GAS6: variants seen among roughly 807,000 people sequenced by gnomAD.
The protein encoded by GAS6 is growth arrest specific 6.
A neutral mutation model predicts 75.8 loss-of-function variants in GAS6; 41 were observed. That is an observed-to-expected ratio of 0.54 (90% CI 0.42 to 0.70). The LOEUF (loss-of-function observed/expected upper bound fraction) is 0.70, where lower values mean the gene tolerates loss of function less well. Among genes scored for constraint, GAS6 ranks in the 30% least tolerant of loss-of-function variants. GAS6 has a pLI of 0.00. For missense variants in GAS6, 854 were observed against 940.2 expected, an observed-to-expected ratio of 0.91 and a Z score of 1.20; for synonymous variants, 432 against 412.6, an observed-to-expected ratio of 1.05 and a Z score of -0.57.
rs1348264390 is a variant in GAS6 at position 113,837,138 on chromosome 13, G to A, written c.589+931C>T. Among the ~76,000 whole-genome samples, 1 of 151,906 alleles carries A rather than the reference G, an allele frequency of 6.6e-6. No homozygotes were observed. The highest frequency in any genetic ancestry group is 1.5e-5 in the Non-Finnish European group (1 of 67,968). On this transcript the variant is annotated intron_variant, in intron 6 of 14. Coordinates refer to ENST00000327773, the MANE Select transcript of GAS6 (RefSeq NM_000820.4). The surrounding 1 kb of genome is among the most constrained non-coding windows in gnomAD (Gnocchi z 5.1). ...CAGGGATAGAGCAGTGATGGGAGGG[G>A]CTCTGTCCTCGGCGGGGAAATGGGT... is the stretch of plus-strand genomic sequence containing the variant.
In GAS6 at chr13:113,847,403, T is replaced by A. The variant is rs375634591; in HGVS notation, c.280+623A>T. Reference sequence around the variant, plus strand: ...AGACCCTGGAATACATTTCTCTCCTTCTAAGTGAAATGCTCTCAAAGAGCT... The same window carrying A: ...AGACCCTGGAATACATTTCTCTCCTACTAAGTGAAATGCTCTCAAAGAGCT... On this transcript the variant is annotated intron_variant, in intron 3 of 14. Coordinates refer to ENST00000327773, the MANE Select transcript of GAS6 (RefSeq NM_000820.4). Among the ~76,000 whole-genome samples the A allele has an allele frequency of 3.3e-5, 5 of 152,234 alleles. No homozygotes were observed. The East Asian group carries it at 7.7e-4, about 23-fold the overall frequency.
intron 11 of GAS6, among the ~76,000 whole-genome samples, chr13:113,828,191 G>A (rs988128506): frequency 2.6e-5 from 4 of 152,154 alleles, no homozygotes; most frequent in Non-Finnish European, 5.9e-5. Flanking sequence ...GTGAACCCGG[G>A]AGGCGGAGCT....
intron 2 of GAS6, among the ~76,000 whole-genome samples, chr13:113,850,873 GATGAATGAATGA>G (rs532112068): frequency 1.3e-5 from 2 of 152,300 alleles, no homozygotes; most frequent in African/African-American, 4.8e-5. Flanking sequence ...TAAATGCACA[GATGAATGAATGA>G]ATGGATGGAT....
chr13:113,863,655 C>A lies in GAS6; in HGVS notation c.175G>T (p.Gly59Cys). 6.6e-7 allele frequency: 1 copy of A among 1,523,434 alleles called. No individual in the cohort carries two copies. 94.4% of individuals were successfully genotyped at this position (1,523,434 alleles called of 1,614,324 possible). The stretch of plus-strand genomic sequence containing the variant: ...TCCACGCACTCCCTCTCCAGGTGGC[C>A]CTGCTTGGCCTCCTCGAAGACCTGA... ...AFQVFEEAKQ[G>C]HLERECVEEL... Residue 59 changes from glycine (G) to cysteine (C), a missense_variant, in exon 2 of 15, where the codon GGC (glycine) becomes TGC (cysteine). Physicochemically the swap from Gly to Cys is radical, Grantham distance 159. Transcript: ENST00000327773. This position sits in a 1 kb window ranked among gnomAD's most constrained non-coding sequence, Gnocchi z 9.4.
At chr13:113,858,256 G>A (rs1422303408) in intron 2 of GAS6, among the ~76,000 whole-genome samples, 1 of 152,054 alleles carries the variant, frequency 6.6e-6, no homozygotes, top group Non-Finnish European at 1.5e-5. Flanking sequence ...ATGTGTGCCT[G>A]TGTGTGTATA....
chr13:113,860,458 G>A (rs1355681935), intron 2 of GAS6, among the ~76,000 whole-genome samples: 5 of 152,090 alleles, frequency 3.3e-5, no homozygotes, highest in Admixed American at 2.0e-4. Context: ...CTCTAGTCTC[G>A]GATCATTTCT....
chr13:113,849,334 A>G (rs932838925), intron 2 of GAS6, among the ~76,000 whole-genome samples: 3 of 152,038 alleles, frequency 2.0e-5, no homozygotes, highest in Non-Finnish European at 4.4e-5. Flanking sequence ...CTCACTTCCA[A>G]TTTTAGTCAT....
intron 2 of GAS6, among the ~76,000 whole-genome samples, chr13:113,862,850 C>A (rs1322513751): frequency 6.6e-6 from 1 of 152,290 alleles, no homozygotes; most frequent in East Asian, 1.9e-4. Flanking sequence ...GGGACGTCAA[C>A]GGGAATCCAC....
At chr13:113,828,201 T>TTGCA (rs1486491047) in intron 11 of GAS6, among the ~76,000 whole-genome samples, 5 of 152,024 alleles carry the variant, frequency 3.3e-5, no homozygotes, top group African/African-American at 7.3e-5. Flanking sequence ...GAGGCGGAGC[T>TTGCA]TGCAGTGAGC....
At chr13:113,850,671 C>T (rs1218017086) in intron 2 of GAS6, among the ~76,000 whole-genome samples, 7 of 152,168 alleles carry the variant, frequency 4.6e-5, no homozygotes, top group East Asian at 3.8e-4. Flanking sequence ...CCTCATGAGC[C>T]GTCACCAAAC....
In GAS6 at chr13:113,863,644, C is replaced by T. The variant is rs1594213248; in HGVS notation, c.186G>A (p.Glu62=). 1 of 1,525,800 alleles carries T rather than the reference C, an allele frequency of 6.6e-7. No homozygotes were observed. The highest frequency in any genetic ancestry group is 8.8e-7 in the Non-Finnish European group (1 of 1,136,246). 94.5% of individuals were successfully genotyped at this position (1,525,800 alleles called of 1,614,324 possible). Reference sequence around the variant, plus strand: ...TGCACAGCTCCTCCACGCACTCCCTCTCCAGGTGGCCCTGCTTGGCCTCCT... The same window carrying T: ...TGCACAGCTCCTCCACGCACTCCCTTTCCAGGTGGCCCTGCTTGGCCTCCT... ...VFEEAKQGHL[E]RECVEELCSR... is the part of the protein sequence containing the mutation. Residue 62 remains glutamate, a synonymous_variant, in exon 2 of 15, where the codon GAG becomes GAA. Coordinates refer to ENST00000327773, the MANE Select transcript of GAS6 (RefSeq NM_000820.4). This position sits in a 1 kb window ranked among gnomAD's most constrained non-coding sequence, Gnocchi z 9.4.
chr13:113,825,242 A>G (rs2051520981), intron 12 of GAS6, among the ~76,000 whole-genome samples: 1 of 150,492 alleles, frequency 6.6e-6, no homozygotes. Flanking sequence ...CTCAAAAAAA[A>G]AAAAAAAAAA....
At chr13:113,842,580 G>A in intron 4 of GAS6, 1 of 396,954 alleles carries the variant, frequency 2.5e-6, no homozygotes. Flanking sequence ...GCCTGAACTA[G>A]AGAAATGAGG....
chr13:113,826,388 C>T (rs978742785), intron 12 of GAS6, among the ~76,000 whole-genome samples: 5 of 128,862 alleles, frequency 3.9e-5, no homozygotes, highest in African/African-American at 6.5e-5. Context: ...CCTCCCCGGC[C>T]TCGCAGGCAC....
intron 2 of GAS6, among the ~76,000 whole-genome samples, chr13:113,862,814 G>A (rs2051982904): frequency 1.3e-5 from 2 of 152,216 alleles, no homozygotes; most frequent in Admixed American, 1.3e-4. Context: ...ACTTCGCTAT[G>A]AAATCACCCT....
At chr13:113,859,167 T>A (rs1407862684) in intron 2 of GAS6, among the ~76,000 whole-genome samples, 1 of 152,032 alleles carries the variant, frequency 6.6e-6, no homozygotes, top group Non-Finnish European at 1.5e-5. Context: ...TGTGTACATG[T>A]CTGCTAGTAT....
chr13:113,836,965 G>A (rs1348634690), intron 6 of GAS6, among the ~76,000 whole-genome samples: 1 of 151,216 alleles, frequency 6.6e-6, no homozygotes, highest in Non-Finnish European at 1.5e-5. Context: ...GAATGCCTCT[G>A]TCACTGTGGG....
At position 113,820,726 on chromosome 13, in the gene GAS6, T is replaced by C; in HGVS notation, c.*138A>G. The C allele has an allele frequency of 1.9e-6, 2 of 1,040,480 alleles. No homozygotes were observed. The highest frequency in any genetic ancestry group is 1.7e-5 in the South Asian group (1 of 59,688). The allele number at this position is 1,040,480 out of a possible 1,614,324, so 64.5% of individuals were successfully genotyped here. Reference sequence around the variant, plus strand: ...CAGAGGCCCCAAGTCCATCTCACTATTTACAGATATGTTACAGGCCGGGAT... The same window carrying C: ...CAGAGGCCCCAAGTCCATCTCACTACTTACAGATATGTTACAGGCCGGGAT... On this transcript the variant is annotated 3_prime_UTR_variant, in exon 15 of 15. Transcript: ENST00000327773.
Position 113,820,825 on chromosome 13 carries a change from C to G in GAS6, c.*39G>C, listed in dbSNP as rs376907373. The stretch of plus-strand genomic sequence containing the variant: ...GCCCCCAGGCTCCTCCCGGCTGTCT[C>G]GGACAGAGACTGAGAAGCCTGCCGC... On this transcript the variant is annotated 3_prime_UTR_variant, in exon 15 of 15. Coordinates refer to ENST00000327773, the MANE Select transcript of GAS6 (RefSeq NM_000820.4). 4.2e-4 allele frequency: 676 copies of G among 1,595,176 alleles called. 1 individual carries two copies. Among genetic ancestry groups the G allele is most frequent in the Non-Finnish European group, 5.5e-4 (648 of 1,174,146 alleles).
Sources: allele counts gnomAD v4.1 joint callset (sites outside exome capture counted in the v4.1 genomes callset), GRCh38; gene constraint gnomAD v4.1.1; non-coding constraint Gnocchi (gnomAD v3.1); transcripts MANE v1.5; gene names NCBI Gene and HGNC (gene_info 2026-07-23, HGNC 2026-07-21).